The following TMEM132E variants were observed in gnomAD, a reference collection of about 807,000 sequenced individuals.
The protein encoded by TMEM132E is transmembrane protein 132E.
TMEM132E carries 49 observed loss-of-function variants against 78.5 expected under a neutral mutation model. The ratio of observed to expected loss-of-function variants is 0.62; its 90% CI spans 0.50 to 0.79. TMEM132E has a LOEUF of 0.79. TMEM132E is among the 30% of genes least tolerant of loss of function. TMEM132E has a pLI of 0.00. For synonymous variants in TMEM132E, 715 were observed against 670.6 expected, an observed-to-expected ratio of 1.07 and a Z score of -1.02; for missense variants, 1,403 against 1,470.9, an observed-to-expected ratio of 0.95 and a Z score of 0.75.
intron 1 of TMEM132E, among the ~76,000 whole-genome samples, chr17:34,606,814 C>A (rs1164119649): frequency 2.0e-5 from 3 of 152,212 alleles, no homozygotes; most frequent in Non-Finnish European, 4.4e-5. Flanking sequence ...CCTGTGTGAC[C>A]TGCCTGGCTG....
intron 1 of TMEM132E, among the ~76,000 whole-genome samples, chr17:34,592,459 T>C (rs1442667625): frequency 1.3e-5 from 2 of 152,208 alleles, no homozygotes; most frequent in East Asian, 1.9e-4. Context: ...TCTAGGGTTA[T>C]AGGGAGTTTC....
At chr17:34,623,551 G>A (rs1907031553) in intron 1 of TMEM132E, among the ~76,000 whole-genome samples, 1 of 152,172 alleles carries the variant, frequency 6.6e-6, no homozygotes, top group African/African-American at 2.4e-5. Flanking sequence ...CATACATGCA[G>A]CAGTGCCCCT....
rs78956541 is a variant in TMEM132E, at chr17:34,597,904, G to A, written c.67+16761G>A. On this transcript the variant is annotated intron_variant, in intron 1 of 8. Transcript: ENST00000631683. ...CAATCCTAGCAGCTCAGCCCCTAAA[G>A]TGATGGTGTGGCCTTGAGCAAGTCC... Among the ~76,000 whole-genome samples, 413 of 152,320 alleles carry A rather than the reference G, an allele frequency of 2.7e-3. 3 individuals are homozygous for A. The highest frequency in any genetic ancestry group is 9.5e-3 in the African/African-American group (393 of 41,556).
chr17:34,635,913 T>A, intron 7 of TMEM132E, 94 bp from the exon 8 acceptor site: 2 of 1,245,200 alleles, frequency 1.6e-6, no homozygotes, highest in Non-Finnish European at 2.1e-6. Context: ...AGGCCCCTCT[T>A]CCAGCAGTGC....
intron 1 of TMEM132E, among the ~76,000 whole-genome samples, chr17:34,588,979 C>T (rs903321027): frequency 6.6e-6 from 1 of 152,164 alleles, no homozygotes; most frequent in Admixed American, 6.5e-5. Flanking sequence ...GTCTCGAACT[C>T]CTGACTTCAG....
intron 2 of TMEM132E, among the ~76,000 whole-genome samples, chr17:34,627,552 A>G (rs891021818): frequency 1.3e-5 from 2 of 149,448 alleles, no homozygotes; most frequent in African/African-American, 2.5e-5. Context: ...AAATTTTCAG[A>G]ATTCCCAGCT....
intron 1 of TMEM132E, among the ~76,000 whole-genome samples, chr17:34,621,490 C>T (rs1041694138): frequency 6.6e-6 from 1 of 152,198 alleles, no homozygotes; most frequent in African/African-American, 2.4e-5. Flanking sequence ...CAGCCATATT[C>T]TGAGATACGG....
chr17:34,590,981 C>T (rs1202839607), intron 1 of TMEM132E, among the ~76,000 whole-genome samples: 4 of 152,068 alleles, frequency 2.6e-5, no homozygotes, highest in Admixed American at 1.3e-4. Context: ...AAGAGCTCAC[C>T]GTTAGAACCA....
chr17:34,588,341 G>A lies in TMEM132E; in HGVS notation c.67+7198G>A, dbSNP rs377633131. Among the ~76,000 whole-genome samples, 24 of 152,262 alleles carry A rather than the reference G, an allele frequency of 1.6e-4. No individual in the cohort carries two copies. In the South Asian group the frequency reaches 4.6e-3, roughly 29 times the overall value. ...ATTCTGCATTGCCTGGCTTCCTGCT[G>A]GCCAAAAGCTCAAATAGACCTGGAA... On this transcript the variant is annotated intron_variant, in intron 1 of 8. Transcript: ENST00000631683.
rs1384992455 is a variant in TMEM132E at position 34,634,789 on chromosome 17, C to T, written c.1689-10C>T. On this transcript the variant is annotated splice_polypyrimidine_tract_variant and intron_variant, in intron 6 of 8. Coordinates refer to ENST00000631683, the MANE Select transcript of TMEM132E (RefSeq NM_001304438.2). ...TGAGAAGCCTTCAGCATGGCATGTC[C>T]CCACCCCAGGTCAGTCCGGGAAAGC... 3.7e-6 allele frequency: 6 copies of T among 1,607,272 alleles called. No individual in the cohort carries two copies. The highest frequency in any genetic ancestry group is 5.1e-6 in the Non-Finnish European group (6 of 1,176,524).
intron 1 of TMEM132E, among the ~76,000 whole-genome samples, chr17:34,621,283 G>C (rs975109541): frequency 6.6e-6 from 1 of 152,162 alleles, no homozygotes; most frequent in Non-Finnish European, 1.5e-5. Context: ...GGTGTCAGCA[G>C]GATTGATTTC....
At chr17:34,622,517 T>C (rs1370753407) in intron 1 of TMEM132E, among the ~76,000 whole-genome samples, 1 of 152,220 alleles carries the variant, frequency 6.6e-6, no homozygotes, top group African/African-American at 2.4e-5. Context: ...TACAGGTTAC[T>C]TCCCCTTCCA....
intron 1 of TMEM132E, among the ~76,000 whole-genome samples, chr17:34,604,718 A>C (rs1567714010): frequency 6.6e-6 from 1 of 152,160 alleles, no homozygotes. Flanking sequence ...TCCTTGAGGG[A>C]GCAAAGAAAG....
chr17:34,628,477 C>A (rs542733866), intron 2 of TMEM132E, 86 bp from the exon 3 acceptor site: 2 of 1,517,140 alleles, frequency 1.3e-6, no homozygotes, highest in Non-Finnish European at 1.8e-6. Context: ...CCCCTCCCCC[C>A]AGTACAGTCT....
chr17:34,599,463 C>G (rs1284353757), intron 1 of TMEM132E, among the ~76,000 whole-genome samples: 2 of 152,228 alleles, frequency 1.3e-5, no homozygotes, highest in East Asian at 3.9e-4. Context: ...ATGACACTTG[C>G]AAACTGAATG....
intron 1 of TMEM132E, among the ~76,000 whole-genome samples, chr17:34,611,272 C>T (rs1054037959): frequency 4.6e-5 from 7 of 151,878 alleles, no homozygotes; most frequent in Non-Finnish European, 7.4e-5. Flanking sequence ...AGGGGTGGGA[C>T]AAAGGAAACA....
At chr17:34,581,225 ACCCACACC>A in intron 1 of TMEM132E, 82 bp downstream of exon 1, 1 of 1,242,912 alleles carries the variant, frequency 8.0e-7, no homozygotes, top group Non-Finnish European at 1.1e-6. Context: ...GGAGAGGAGC[ACCCACACC>A]CCCTGGACTC....
chr17:34,613,211 A>ACACACATGCGCGCG, intron 1 of TMEM132E, among the ~76,000 whole-genome samples: 1 of 115,856 alleles, frequency 8.6e-6, no homozygotes, highest in South Asian at 3.4e-4. Flanking sequence ...ACACACACAC[A>ACACACATGCGCGCG]CGCGCGCGCG....
rs984931510 is a variant in TMEM132E at position 34,615,807 on chromosome 17, C to T, written c.68-10320C>T. Among the ~76,000 whole-genome samples, 4 of 151,846 alleles carry T rather than the reference C, an allele frequency of 2.6e-5. No homozygotes were observed. The East Asian group carries it at 5.8e-4, about 22-fold the overall frequency. ...CTTGGAGGATCTCTGCCTCCTGACT[C>T]AGGAGGCCGTGTGGGGGATCCATTT... On this transcript the variant is annotated intron_variant, in intron 1 of 8. Transcript: ENST00000631683.
Sources: gnomAD v4.1 joint callset for allele counts (sites outside exome capture counted in the v4.1 genomes callset) on GRCh38, gnomAD v4.1.1 for gene constraint, MANE v1.5 for transcripts, NCBI Gene and HGNC (gene_info 2026-07-23, HGNC 2026-07-21) for gene names.